Variants in TMEM164 observed in about 807,000 individuals in gnomAD.
TMEM164 encodes transmembrane protein 164.
A neutral mutation model predicts 18.8 loss-of-function variants in TMEM164; 4 were observed. The ratio of observed to expected loss-of-function variants is 0.21; its 90% CI spans 0.10 to 0.49. TMEM164 has a LOEUF of 0.49. Among genes scored for constraint, TMEM164 ranks in the 20% least tolerant of loss-of-function variants. The pLI is 0.98. For missense variants in TMEM164, 108 were observed against 239.9 expected, an observed-to-expected ratio of 0.45 and a Z score of 3.63; for synonymous variants, 86 against 101.7, an observed-to-expected ratio of 0.85 and a Z score of 0.93.
intron 5 of TMEM164, among the ~76,000 whole-genome samples, chrX:110,152,975 C>G (rs1022530123): frequency 1.2e-4 from 13 of 111,667 alleles, no homozygotes; most frequent in African/African-American, 4.2e-4. Context: ...AACCTCATGT[C>G]TTTACACTCC....
intron 3 of TMEM164, among the ~76,000 whole-genome samples, chrX:110,096,517 G>A (rs750904383): frequency 4.3e-4 from 48 of 112,765 alleles, no homozygotes; most frequent in African/African-American, 1.3e-3. Flanking sequence ...CTGGTGCGCC[G>A]TTTGCTAAGA....
chrX:110,133,214 G>A (rs891978475), intron 4 of TMEM164, among the ~76,000 whole-genome samples: 43 of 111,125 alleles, frequency 3.9e-4, no homozygotes, highest in Non-Finnish European at 6.4e-4. Context: ...GTAATGGCAC[G>A]ATCTTAGCTC....
At chrX:110,177,831 C>G (rs1284276725), downstream of TMEM164, 2 of 111,949 alleles carry the variant, frequency 1.8e-5, no homozygotes, top group Non-Finnish European at 3.8e-5. Context: ...TCTCAGAAGG[C>G]CCTCTGCTTT....
At chrX:110,151,544 A>G (rs1172715799) in intron 5 of TMEM164, among the ~76,000 whole-genome samples, 1 of 111,804 alleles carries the variant, frequency 8.9e-6, no homozygotes, top group Non-Finnish European at 1.9e-5. Context: ...ACTTTGGGAG[A>G]CCGAGGTGGG....
At chrX:110,167,642 G>A (rs756010121) in intron 5 of TMEM164, among the ~76,000 whole-genome samples, 7 of 111,265 alleles carry the variant, frequency 6.3e-5, no homozygotes, top group South Asian at 3.8e-4. Context: ...ATGGTGGTCC[G>A]CAAAGTAGTA....
At chrX:110,092,541 A>G (rs1372996175) in intron 3 of TMEM164, among the ~76,000 whole-genome samples, 1 of 111,640 alleles carries the variant, frequency 9.0e-6, no homozygotes, top group African/African-American at 3.3e-5. Flanking sequence ...AATGCTTGTG[A>G]TTTTTGCACA....
At chrX:110,043,253 A>T (rs1202731349) in intron 2 of TMEM164, among the ~76,000 whole-genome samples, 3 of 113,133 alleles carry the variant, frequency 2.7e-5, no homozygotes, top group Non-Finnish European at 5.6e-5. Flanking sequence ...ATTAAATTAG[A>T]CATAACTAAA....
chrX:110,018,747 G>A (rs1232558142), intron 2 of TMEM164, among the ~76,000 whole-genome samples: 1 of 112,257 alleles, frequency 8.9e-6, no homozygotes, highest in Non-Finnish European at 1.9e-5. Context: ...TAGAATAGTG[G>A]TGCATGGCAA....
At chrX:110,170,269 G>A (rs2067213277) in intron 5 of TMEM164, among the ~76,000 whole-genome samples, 1 of 112,499 alleles carries the variant, frequency 8.9e-6, no homozygotes, top group African/African-American at 3.2e-5. Flanking sequence ...GCTGAGTTTT[G>A]TTTTCCCATA....
intron 3 of TMEM164, among the ~76,000 whole-genome samples, chrX:110,072,296 C>CAAA (rs56056315): frequency 2.2e-4 from 10 of 46,259 alleles, no homozygotes; most frequent in African/African-American, 5.1e-4. Flanking sequence ...GACTCCATCT[C>CAAA]AAAAAAAAAA....
At chrX:110,047,446 G>T (rs934898239) in intron 2 of TMEM164, among the ~76,000 whole-genome samples, 8 of 112,060 alleles carry the variant, frequency 7.1e-5, no homozygotes, top group African/African-American at 2.3e-4. Context: ...TTTCTGCATT[G>T]TCTTTCTTTA....
intron 3 of TMEM164, among the ~76,000 whole-genome samples, chrX:110,090,649 G>A (rs1466203258): frequency 3.6e-5 from 4 of 111,360 alleles, no homozygotes; most frequent in South Asian, 7.5e-4. Context: ...AGTGAATAGC[G>A]CAGTACATAG....
intron 3 of TMEM164, among the ~76,000 whole-genome samples, chrX:110,075,332 G>A (rs1204668664): frequency 1.8e-5 from 2 of 111,897 alleles, no homozygotes; most frequent in Admixed American, 9.5e-5. Flanking sequence ...CACTGAAGTT[G>A]TTTATCAGTT....
At chrX:110,089,595 G>T (rs187923088) in intron 3 of TMEM164, among the ~76,000 whole-genome samples, 1 of 112,393 alleles carries the variant, frequency 8.9e-6, no homozygotes, top group East Asian at 2.8e-4. Flanking sequence ...ATTTCTGATG[G>T]CTACATAGTA....
intron 4 of TMEM164, among the ~76,000 whole-genome samples, chrX:110,132,512 A>T (rs2066627502): frequency 1.8e-5 from 2 of 111,947 alleles, no homozygotes; most frequent in Non-Finnish European, 3.8e-5. Context: ...GTAGCTATGG[A>T]TATATAGATA....
At chrX:110,095,242 G>T (rs1050618755) in intron 3 of TMEM164, among the ~76,000 whole-genome samples, 2 of 111,981 alleles carry the variant, frequency 1.8e-5, no homozygotes, top group African/African-American at 6.5e-5. Context: ...CTAGGTTGGG[G>T]AAGTTCTCCT....
intron 2 of TMEM164, among the ~76,000 whole-genome samples, chrX:110,038,233 C>T (rs770705380): frequency 5.5e-4 from 61 of 110,782 alleles, no homozygotes; most frequent in Admixed American, 6.7e-4. Flanking sequence ...CCTCGTGATC[C>T]GCCCGCCTCG....
At chrX:110,026,232 C>T (rs1569298715) in intron 2 of TMEM164, among the ~76,000 whole-genome samples, 1 of 112,053 alleles carries the variant, frequency 8.9e-6, no homozygotes. Context: ...GGAGATTAGT[C>T]ATTAGAAACT....
chrX:110,064,938 A>G lies in TMEM164; in HGVS notation c.391-2409A>G, dbSNP rs377633871. Among the ~76,000 whole-genome samples, 11 of 103,242 alleles carry G rather than the reference A, an allele frequency of 1.1e-4. No individual in the cohort carries two copies. The East Asian group carries it at 3.1e-3, about 29-fold the overall frequency. The allele number at this position is 103,242 out of a possible 115,157, so 89.7% of individuals were successfully genotyped here. A position where few individuals can be genotyped will look rare whatever the true frequency, so the allele number is the denominator to read the frequency against. On this transcript the variant is annotated intron_variant, in intron 2 of 6. Coordinates refer to ENST00000372068, the MANE Select transcript of TMEM164 (RefSeq NM_032227.4). The stretch of plus-strand genomic sequence containing the variant: ...CTTCAGCCCAGGAGTTGGAGGGTAC[A>G]GTGAGCTATGATTGCACCACTGCAC...
Sources: gnomAD v4.1 joint callset for allele counts (sites outside exome capture counted in the v4.1 genomes callset) on GRCh38, gnomAD v4.1.1 for gene constraint, MANE v1.5 for transcripts, NCBI Gene and HGNC (gene_info 2026-07-23, HGNC 2026-07-21) for gene names.